ZNF280D: variants seen among roughly 807,000 people sequenced by gnomAD.
ZNF280D encodes the protein suppressor of hairy wing homolog 4.
ZNF280D carries 39 observed loss-of-function variants against 94.7 expected under a neutral mutation model. That is an observed-to-expected ratio of 0.41 (90% CI 0.32 to 0.54). The LOEUF (loss-of-function observed/expected upper bound fraction) is 0.54, where lower values mean the gene tolerates loss of function less well. Ranked by LOEUF, ZNF280D falls within the 20% of genes least tolerant of loss-of-function variation. The pLI, the probability that ZNF280D is intolerant of heterozygous loss-of-function variation, is 0.22. For synonymous variants in ZNF280D, 398 were observed against 377.6 expected (o/e 1.05, Z -0.63); for missense variants, 1,090 against 1,149.3 (o/e 0.95, Z 0.75).
intron 19 of ZNF280D, among the ~76,000 whole-genome samples, chr15:56,651,608 T>C (rs777964420): frequency 1.3e-5 from 2 of 152,078 alleles, no homozygotes; most frequent in South Asian, 4.2e-4. Flanking sequence ...TGGTAGGGGA[T>C]TGGTTACAGA....
chr15:56,663,168 C>T (rs2054064153), intron 16 of ZNF280D, among the ~76,000 whole-genome samples: 1 of 150,552 alleles, frequency 6.6e-6, no homozygotes, highest in African/African-American at 2.4e-5. Context: ...CTGTAAGTCC[C>T]AGCTACTCAA....
chr15:56,717,709 G>C (rs898744371), intron 1 of ZNF280D, among the ~76,000 whole-genome samples: 2 of 152,108 alleles, frequency 1.3e-5, no homozygotes, highest in African/African-American at 4.8e-5. Flanking sequence ...GTTTACAGCT[G>C]TGGAAATTTA....
chr15:56,716,384 G>C (rs1230550768), intron 1 of ZNF280D, among the ~76,000 whole-genome samples: 2 of 151,908 alleles, frequency 1.3e-5, no homozygotes, highest in African/African-American at 4.8e-5. Context: ...AAGGGTTGGA[G>C]TTAACTAGGC....
chr15:56,661,744 T>C (rs1217655558), intron 16 of ZNF280D, among the ~76,000 whole-genome samples: 1 of 152,184 alleles, frequency 6.6e-6, no homozygotes, highest in Non-Finnish European at 1.5e-5. Flanking sequence ...CCCTTCTAAA[T>C]TGTGAAAATT....
At chr15:56,732,297 G>A (rs1213406749) in intron 1 of ZNF280D, among the ~76,000 whole-genome samples, 2 of 152,110 alleles carry the variant, frequency 1.3e-5, no homozygotes, top group African/African-American at 4.8e-5. Context: ...ACAAATCAGG[G>A]GTTATCAATG....
intron 1 of ZNF280D, among the ~76,000 whole-genome samples, chr15:56,731,642 G>T (rs1337189793): frequency 1.3e-5 from 2 of 151,494 alleles, no homozygotes; most frequent in African/African-American, 4.9e-5. Context: ...TTGTTACACA[G>T]AAAAATGGCC....
intron 20 of ZNF280D, among the ~76,000 whole-genome samples, chr15:56,636,672 C>T (rs901225969): frequency 1.8e-4 from 27 of 151,878 alleles, no homozygotes; most frequent in African/African-American, 1.2e-4. Context: ...TTAGTACAGA[C>T]GGGGTTTCAC....
chr15:56,689,600 A>T, intron 7 of ZNF280D, 130 bp from the exon 8 acceptor site: 1 of 570,048 alleles, frequency 1.8e-6, no homozygotes, highest in Non-Finnish European at 2.7e-6. Flanking sequence ...ATAATGATAA[A>T]ACTTGATATG....
chr15:56,725,586 ACAGCTT>A (rs1380261304), intron 1 of ZNF280D, among the ~76,000 whole-genome samples: 3 of 152,136 alleles, frequency 2.0e-5, no homozygotes, highest in African/African-American at 7.2e-5. Flanking sequence ...TGAAGAAAAT[ACAGCTT>A]CACAGGAAAA....
Position 56,719,035 on chromosome 15 carries a change from C to G in ZNF280D, c.-85-11729G>C, listed in dbSNP as rs571262167. Among the ~76,000 whole-genome samples, 4 of 152,244 alleles carry G rather than the reference C, an allele frequency of 2.6e-5. No individual in the cohort carries two copies. In the Middle Eastern group the frequency reaches 0.01, roughly 388 times the overall value. On this transcript the variant is annotated intron_variant, in intron 1 of 21. Coordinates refer to ENST00000267807, the MANE Select transcript of ZNF280D (RefSeq NM_017661.4). ...AAATAATGTAAAAACAGGTTTTCCA[C>G]AAAGTTTAGACCTCAGTCCCACAGA... is the stretch of plus-strand genomic sequence containing the variant.
chr15:56,707,379 C>T (rs982487254), intron 1 of ZNF280D, 73 bp from the exon 2 acceptor site: 29 of 1,311,074 alleles, frequency 2.2e-5, no homozygotes, highest in Non-Finnish European at 2.9e-5. Context: ...ATCTTTTCTC[C>T]TATACAGAGG....
intron 9 of ZNF280D, among the ~76,000 whole-genome samples, chr15:56,686,921 T>A (rs1596498454): frequency 6.6e-6 from 1 of 152,128 alleles, no homozygotes; most frequent in East Asian, 1.9e-4. Flanking sequence ...GATAAGTATA[T>A]TTTTCTAATT....
chr15:56,682,270 G>T lies in ZNF280D; in HGVS notation c.988C>A (p.Leu330Ile). 2 of 1,560,118 alleles carry T rather than the reference G, an allele frequency of 1.3e-6. No individual in the cohort carries two copies. Among genetic ancestry groups the T allele is most frequent in the Non-Finnish European group, 8.6e-7 (1 of 1,162,290 alleles). Residue 330 changes from leucine (L) to isoleucine (I), a missense_variant, in exon 10 of 22, where the codon CTA becomes ATA. Leu to Ile is a conservative substitution (Grantham distance 5). This residue lies in a region of ZNF280D where 127 missense variants were observed against 208.6 expected (regional missense o/e 0.61). Coordinates refer to ENST00000267807, the MANE Select transcript of ZNF280D (RefSeq NM_017661.4). ...TFKCFSCLKI[L>I]KNNIRFMNHM... ...TTTACATACCTAATGTTATTTTTTA[G>T]AATTTTCAAGCAACTGAAGCATTTA...
At chr15:56,697,871 T>C (rs1309468353) in intron 6 of ZNF280D, 2 of 152,172 alleles carry the variant, frequency 1.3e-5, no homozygotes, top group African/African-American at 2.4e-5. Flanking sequence ...AAAAGTGGCA[T>C]TGTTTCACAT....
At chr15:56,710,193 A>T (rs1007488706) in intron 1 of ZNF280D, among the ~76,000 whole-genome samples, 2 of 152,218 alleles carry the variant, frequency 1.3e-5, no homozygotes, top group African/African-American at 4.8e-5. Context: ...ACCTGAGGTC[A>T]GGAGTTCGAG....
intron 19 of ZNF280D, chr15:56,653,787 C>A: frequency 8.0e-7 from 1 of 1,256,348 alleles, no homozygotes; most frequent in Non-Finnish European, 1.0e-6. Context: ...TTATTGTAAG[C>A]AAAGAAAAGA....
In ZNF280D at chr15:56,689,091, T is replaced by G. The variant is rs368451695; in HGVS notation, c.730A>C (p.Lys244Gln). The G allele has an allele frequency of 1.8e-5, 29 of 1,611,188 alleles. No individual in the cohort carries two copies. In the African/African-American group the frequency reaches 3.5e-4, roughly 19 times the overall value. Reference sequence around the variant, plus strand: ...AAAAGATTGAAATGAATGTTGCACTTTGGACAAGCTCTTGGAAAAGGTGTT... The same window carrying G: ...AAAAGATTGAAATGAATGTTGCACTGTGGACAAGCTCTTGGAAAAGGTGTT... ...NGTPFPRACP[K>Q]CNIHFNLLDP... Residue 244 changes from lysine to glutamine, a missense_variant, in exon 9 of 22, where the codon AAG (lysine) becomes CAG (glutamine). By Grantham distance (53) the Lys-to-Gln change is moderately conservative (BLOSUM62 1). Transcript: ENST00000267807.
At chr15:56,705,378 T>A (rs183842596) in intron 3 of ZNF280D, among the ~76,000 whole-genome samples, 28 of 152,350 alleles carry the variant, frequency 1.8e-4, no homozygotes, top group Admixed American at 1.8e-3. Context: ...CTAGAATATC[T>A]TTCCTTCTCA....
chr15:56,687,947 C>T (rs1332528588), intron 9 of ZNF280D, among the ~76,000 whole-genome samples: 2 of 151,894 alleles, frequency 1.3e-5, no homozygotes, highest in Non-Finnish European at 2.9e-5. Flanking sequence ...ATCTCTGAAA[C>T]AGCAAAAACT....
Sources: allele counts gnomAD v4.1 joint callset (sites outside exome capture counted in the v4.1 genomes callset), GRCh38; gene constraint gnomAD v4.1.1; regional missense constraint gnomAD v4.1.1; transcripts MANE v1.5; gene names NCBI Gene and HGNC (gene_info 2026-07-23, HGNC 2026-07-21).